XPNPEP3: variants seen among roughly 807,000 people sequenced by gnomAD.
XPNPEP3 encodes the protein X-prolyl aminopeptidase 3.
A neutral mutation model predicts 60.0 loss-of-function variants in XPNPEP3; 41 were observed. The observed-to-expected ratio is 0.68, with a 90% CI of 0.53 to 0.89. XPNPEP3 has a LOEUF of 0.89. XPNPEP3 is among the 40% of genes least tolerant of loss of function. The pLI, the probability that XPNPEP3 is intolerant of heterozygous loss-of-function variation, is 0.00. For synonymous variants in XPNPEP3, 212 were observed against 223.2 expected (o/e 0.95, Z 0.45); for missense variants, 598 against 638.9 (o/e 0.94, Z 0.69).
In XPNPEP3 at chr22:40,932,548, C is replaced by T. The variant is rs1601526677; in HGVS notation, c.*6113C>T. On this transcript the variant is annotated 3_prime_UTR_variant, in exon 10 of 10. Transcript: ENST00000357137. The stretch of plus-strand genomic sequence containing the variant: ...GCTGCTGTTCTCTACCTGTGTGTCA[C>T]TGAGTTTGAGCATCATTATTGTTTG... The T allele has an allele frequency of 6.6e-6, 1 of 152,086 alleles. No homozygotes were observed. Among genetic ancestry groups the T allele is most frequent in the Admixed American group, 6.6e-5 (1 of 15,252 alleles). 9.4% of individuals were successfully genotyped at this position (152,086 alleles called of 1,614,324 possible).
In XPNPEP3 at chr22:40,878,388, CAT is replaced by C. The variant is rs376301032; in HGVS notation, c.182-3380_182-3379del. Among the ~76,000 whole-genome samples, 656 of 152,136 alleles carry C rather than the reference CAT, an allele frequency of 4.3e-3. 3 individuals are homozygous for C. Among genetic ancestry groups the C allele is most frequent in the African/African-American group, 0.015 (615 of 41,496 alleles). On this transcript the variant is annotated intron_variant, in intron 2 of 9. Transcript: ENST00000357137. ...ATTGTATGAAATTGGATTCAGCAAA[CAT>C]AGGAATACTTTGAAGGGTATAAAAG...
At chr22:40,872,870 C>CA (rs2058011832) in intron 2 of XPNPEP3, among the ~76,000 whole-genome samples, 3 of 151,730 alleles carry the variant, frequency 2.0e-5, no homozygotes, top group African/African-American at 4.8e-5. Context: ...ACATTCATCT[C>CA]AAAAAAACAC....
At chr22:40,864,957 T>C (rs575757188) in intron 1 of XPNPEP3, among the ~76,000 whole-genome samples, 5 of 152,214 alleles carry the variant, frequency 3.3e-5, no homozygotes, top group Non-Finnish European at 7.3e-5. Context: ...AGAGAAAAGG[T>C]AGAAAATAGG....
chr22:40,918,782 G>GC (rs138275732), intron 7 of XPNPEP3, among the ~76,000 whole-genome samples: 1 of 124,038 alleles, frequency 8.1e-6, no homozygotes, highest in Non-Finnish European at 1.9e-5. Flanking sequence ...AGTTTTGGTG[G>GC]GTTTTTTTTT....
chr22:40,874,971 C>T (rs963308361), intron 2 of XPNPEP3, among the ~76,000 whole-genome samples: 2 of 152,106 alleles, frequency 1.3e-5, no homozygotes, highest in Admixed American at 6.6e-5. Flanking sequence ...TAAGTGATGA[C>T]GTTACATTTA....
intron 9 of XPNPEP3, 67 bp from the exon 10 acceptor site, chr22:40,926,202 C>T: frequency 6.4e-7 from 1 of 1,571,670 alleles, no homozygotes; most frequent in South Asian, 1.1e-5. Context: ...CAGAGGTTAA[C>T]TTACTTGCCC....
intron 8 of XPNPEP3, among the ~76,000 whole-genome samples, chr22:40,923,659 C>T (rs915769130): frequency 2.0e-5 from 3 of 152,072 alleles, no homozygotes; most frequent in African/African-American, 7.2e-5. Flanking sequence ...CGAGACCAAC[C>T]TGGCCAACAT....
rs1192519265 is a variant in XPNPEP3 at position 40,926,884 on chromosome 22, AT to A, written c.*450del. ...TAGCTAATTACCAAGGTCTCTGCCT[AT>A]GCAAAAATTCATCTTTCGGTGATTG... is the stretch of plus-strand genomic sequence containing the variant. On this transcript the variant is annotated 3_prime_UTR_variant, in exon 10 of 10. Transcript: ENST00000357137. The A allele has an allele frequency of 4.2e-6, 1 of 240,610 alleles. No homozygotes were observed. The highest frequency in any genetic ancestry group is 8.3e-6 in the Non-Finnish European group (1 of 120,996). 14.9% of individuals were successfully genotyped at this position (240,610 alleles called of 1,614,324 possible).
In XPNPEP3 at chr22:40,914,318, A is replaced by G. The variant is rs768828532; in HGVS notation, c.1049A>G (p.Asn350Ser). The change falls in exon 7 of 10, where the codon AAT becomes AGT. Residue 350 changes from asparagine (N) to serine (S), a missense_variant. Asn to Ser is a conservative substitution (Grantham distance 46). Coordinates refer to ENST00000357137, the MANE Select transcript of XPNPEP3 (RefSeq NM_022098.4). ...GACATCACACGTACGTGGCCAGTCA[A>G]TGGCAGGTAGGGCTTCTACAGAGTA... The part of the protein sequence containing the change: ...VSDITRTWPV[N>S]GRFTAPQAEL... The G allele has an allele frequency of 4.6e-5, 74 of 1,613,770 alleles. No homozygotes were observed. Among genetic ancestry groups the G allele is most frequent in the Middle Eastern group, 1.6e-4 (1 of 6,084 alleles).
Position 40,880,657 on chromosome 22 carries a change from G to A in XPNPEP3, c.182-1113G>A, listed in dbSNP as rs139181707. On this transcript the variant is annotated intron_variant, in intron 2 of 9. Coordinates refer to ENST00000357137, the MANE Select transcript of XPNPEP3 (RefSeq NM_022098.4). ...TGTGTGTATATAAGGAAGTGAAATT[G>A]TTACCTTTTTAAAATTAAGAGGGGG... Among the ~76,000 whole-genome samples, 648 of 151,752 alleles carry A rather than the reference G, an allele frequency of 4.3e-3. 3 individuals are homozygous for A. Among genetic ancestry groups the A allele is most frequent in the African/African-American group, 0.015 (607 of 41,338 alleles).
chr22:40,861,504 C>G, intron 1 of XPNPEP3: 1 of 1,614,068 alleles, frequency 6.2e-7, no homozygotes, highest in Non-Finnish European at 8.5e-7. Context: ...GCCTTCATGC[C>G]CCAATGAACC....
At position 40,931,508 on chromosome 22, in the gene XPNPEP3, G is replaced by GT. The variant is rs1475328247; in HGVS notation, c.*5076dup. Reference sequence around the variant, plus strand: ...GAGGGATGGTCACTTGAGCCCAGGAGTTTGAGACCAGCCTAGGCAACATAG... The same window carrying GT: ...GAGGGATGGTCACTTGAGCCCAGGAGTTTTGAGACCAGCCTAGGCAACATAG... On this transcript the variant is annotated 3_prime_UTR_variant, in exon 10 of 10. Transcript: ENST00000357137. The GT allele has an allele frequency of 6.6e-6, 1 of 152,224 alleles. No individual in the cohort carries two copies. The highest frequency in any genetic ancestry group is 1.5e-5 in the Non-Finnish European group (1 of 68,116). The allele number at this position is 152,224 out of a possible 1,614,324, so 9.4% of individuals were successfully genotyped here.
At chr22:40,895,668 T>A (rs1047825642) in intron 4 of XPNPEP3, among the ~76,000 whole-genome samples, 7 of 151,902 alleles carry the variant, frequency 4.6e-5, no homozygotes, top group East Asian at 1.9e-4. Context: ...TTATAACTTT[T>A]AAAAAAAATT....
At chr22:40,907,236 A>C (rs1801493015) in intron 4 of XPNPEP3, 1 of 453,196 alleles carries the variant, frequency 2.2e-6, no homozygotes, top group African/African-American at 2.0e-5. Context: ...CCTGGCTAAC[A>C]CAGTGAAACC....
At chr22:40,898,447 G>T (rs1001314260) in intron 4 of XPNPEP3, among the ~76,000 whole-genome samples, 2 of 133,650 alleles carry the variant, frequency 1.5e-5, no homozygotes, top group East Asian at 2.0e-4. Flanking sequence ...TAGAGACGGG[G>T]TTTCACCTTG....
At chr22:40,896,233 A>C (rs1158331983) in intron 4 of XPNPEP3, among the ~76,000 whole-genome samples, 1 of 152,080 alleles carries the variant, frequency 6.6e-6, no homozygotes, top group African/African-American at 2.4e-5. Flanking sequence ...ACAGGGTTTC[A>C]CCATGTTGGC....
chr22:40,916,928 A>T (rs2058198175), intron 7 of XPNPEP3, among the ~76,000 whole-genome samples: 1 of 152,022 alleles, frequency 6.6e-6, no homozygotes, highest in African/African-American at 2.4e-5. Context: ...TTACAAAAAA[A>T]TTAGCCAGGC....
intron 7 of XPNPEP3, among the ~76,000 whole-genome samples, chr22:40,916,229 T>C (rs1601519317): frequency 6.7e-6 from 1 of 150,014 alleles, no homozygotes; most frequent in Non-Finnish European, 1.5e-5. Flanking sequence ...AAAGGGGAGG[T>C]TGCAGTGAGC....
chr22:40,895,557 A>T (rs2058104629), intron 4 of XPNPEP3, among the ~76,000 whole-genome samples: 1 of 151,904 alleles, frequency 6.6e-6, no homozygotes, highest in Non-Finnish European at 1.5e-5. Context: ...CTAATCTTGA[A>T]CTGCTGACCT....
Sources: gnomAD v4.1 joint callset for allele counts (sites outside exome capture counted in the v4.1 genomes callset) on GRCh38, gnomAD v4.1.1 for gene constraint, MANE v1.5 for transcripts, NCBI Gene and HGNC (gene_info 2026-07-23, HGNC 2026-07-21) for gene names.